Variants in PITPNM3 observed in about 807,000 individuals in gnomAD.
The protein encoded by PITPNM3 is PITPNM family member 3.
Under a neutral mutation model 102.0 loss-of-function variants are expected in PITPNM3, and 26 were observed. The ratio of observed to expected loss-of-function variants is 0.25; its 90% CI spans 0.19 to 0.35. PITPNM3 has a LOEUF of 0.35. Among genes scored for constraint, PITPNM3 ranks in the 10% least tolerant of loss-of-function variants. The probability of loss-of-function intolerance (pLI) is 1.00; values close to 1 mark genes in which losing one functional copy is unlikely to be tolerated. For synonymous variants in PITPNM3, 578 were observed against 558.6 expected (o/e 1.03, Z -0.49); for missense variants, 1,083 against 1,346.1 (o/e 0.80, Z 3.06).
chr17:6,533,864 C>T (rs551930495), intron 2 of PITPNM3, among the ~76,000 whole-genome samples: 6 of 152,266 alleles, frequency 3.9e-5, no homozygotes, highest in African/African-American at 1.2e-4. Context: ...GCTCCTGTAT[C>T]CCCCACACCC....
At chr17:6,547,772 G>A (rs1010661900) in intron 1 of PITPNM3, among the ~76,000 whole-genome samples, 5 of 150,404 alleles carry the variant, frequency 3.3e-5, no homozygotes, top group Admixed American at 2.0e-4. Context: ...TTTCACTCTT[G>A]TTGCCTAGGC....
intron 4 of PITPNM3, 137 bp from the exon 5 acceptor site, chr17:6,484,429 G>C (rs958881874): frequency 8.2e-6 from 7 of 852,074 alleles, no homozygotes; most frequent in Non-Finnish European, 1.4e-5. Flanking sequence ...TGGAGCTAGG[G>C]AGAGTCACCC....
At chr17:6,554,540 G>T (rs1910502124) in intron 1 of PITPNM3, among the ~76,000 whole-genome samples, 1 of 152,134 alleles carries the variant, frequency 6.6e-6, no homozygotes, top group East Asian at 1.9e-4. Context: ...CAAAATGTTA[G>T]AACAGCACAA....
Position 6,455,582 on chromosome 17 carries a change from G to C in PITPNM3, c.2681C>G (p.Pro894Arg), listed in dbSNP as rs752245124. The C allele has an allele frequency of 1.3e-6, 2 of 1,597,994 alleles. No homozygotes were observed. Among genetic ancestry groups the C allele is most frequent in the Admixed American group, 1.7e-5 (1 of 59,680 alleles). Residue 894 changes from proline to arginine, a missense_variant, in exon 20 of 20, where the codon CCA becomes CGA. By Grantham distance (103) the Pro-to-Arg change is moderately radical. Coordinates refer to ENST00000262483, the MANE Select transcript of PITPNM3 (RefSeq NM_031220.4). ...AALEASHRSR[P>R]KKNNSRMILR... ...GATCATGCGCGAGTTGTTCTTCTTT[G>C]GGCGTGAGCGGTGGCTGGCCTCCAG...
chr17:6,455,882 G>A lies in PITPNM3; in HGVS notation c.2620-239C>T, dbSNP rs147684351. Among the ~76,000 whole-genome samples, 40 of 151,666 alleles carry A rather than the reference G, an allele frequency of 2.6e-4. No homozygotes were observed. The East Asian group carries it at 7.9e-3, about 30-fold the overall frequency. On this transcript the variant is annotated intron_variant, in intron 19 of 19. Transcript: ENST00000262483. ...GGAACACTCTACGGAGGCACCTCCA[G>A]CTTCTCCAAGGAACCCTGGGGAAGT...
At chr17:6,520,045 T>C (rs1459849538) in intron 3 of PITPNM3, among the ~76,000 whole-genome samples, 1 of 152,176 alleles carries the variant, frequency 6.6e-6, no homozygotes, top group Non-Finnish European at 1.5e-5. Flanking sequence ...AATAGCATAT[T>C]GGCAAAAATT....
At chr17:6,483,835 G>A (rs1045414143) in intron 5 of PITPNM3, 83 bp from the exon 6 acceptor site, 64 of 1,160,940 alleles carry the variant, frequency 5.5e-5, no homozygotes, top group South Asian at 7.4e-5. Flanking sequence ...ACACATGTGC[G>A]CATACACACA....
At chr17:6,546,508 T>C (rs1910026168) in intron 1 of PITPNM3, among the ~76,000 whole-genome samples, 2 of 152,228 alleles carry the variant, frequency 1.3e-5, no homozygotes, top group Non-Finnish European at 2.9e-5. Flanking sequence ...AGTTTGGCCA[T>C]AGACCGAGTT....
chr17:6,531,357 A>C (rs1301574828), intron 2 of PITPNM3, among the ~76,000 whole-genome samples: 1 of 152,214 alleles, frequency 6.6e-6, no homozygotes, highest in Admixed American at 6.5e-5. Flanking sequence ...AGACTTCAAA[A>C]GACCGTTTCA....
chr17:6,531,493 C>T (rs770763687), intron 2 of PITPNM3, among the ~76,000 whole-genome samples: 1 of 152,244 alleles, frequency 6.6e-6, no homozygotes, highest in Admixed American at 6.5e-5. Context: ...GCCAGACTAC[C>T]TGTCACCCAG....
At chr17:6,543,088 T>C (rs921916830) in intron 1 of PITPNM3, among the ~76,000 whole-genome samples, 7 of 152,124 alleles carry the variant, frequency 4.6e-5, no homozygotes, top group Non-Finnish European at 1.0e-4. Context: ...ACTCTTCTTC[T>C]AGCAATTTAG....
chr17:6,464,239 C>A lies in PITPNM3; in HGVS notation c.2087G>T (p.Arg696Leu), dbSNP rs773017821. The A allele has an allele frequency of 6.2e-7, 1 of 1,614,154 alleles. No homozygotes were observed. The highest frequency in any genetic ancestry group is 1.7e-5 in the Admixed American group (1 of 60,026). ...LDTEITNSSGRITYNVPRPRR... is the reference protein window; with the variant it reads ...LDTEITNSSGLITYNVPRPRR... ...GGGCCGCGGCACATTGTATGTGATG[C>A]GACCACTGCTGTTGGTGATCTCTGT... The change falls in exon 16 of 20, where the codon CGC becomes CTC. Residue 696 changes from arginine (R) to leucine (L), a missense_variant. Physicochemically the swap from Arg to Leu is moderately radical, Grantham distance 102 (BLOSUM62 -2). Coordinates refer to ENST00000262483, the MANE Select transcript of PITPNM3 (RefSeq NM_031220.4).
At chr17:6,473,256 A>C in intron 10 of PITPNM3, 1 of 268,328 alleles carries the variant, frequency 3.7e-6, no homozygotes, top group Non-Finnish European at 7.4e-6. Flanking sequence ...GGCTATAAAC[A>C]CTCAGTTCCC....
rs1909913742 is a variant in PITPNM3 at position 6,544,639 on chromosome 17, C to CTT, written c.23-6558_23-6557insAA. On this transcript the variant is annotated intron_variant, in intron 1 of 19. Coordinates refer to ENST00000262483, the MANE Select transcript of PITPNM3 (RefSeq NM_031220.4). Reference sequence around the variant, plus strand: ...ATTTGAATGGTGTCTCTCTCTCTCTCTCTCTCTCTCTCTCTCACACACACA... The same window carrying CTT: ...ATTTGAATGGTGTCTCTCTCTCTCTCTTTCTCTCTCTCTCTCTCACACACACA... Among the ~76,000 whole-genome samples the CTT allele has an allele frequency of 2.8e-5, 3 of 106,766 alleles. No homozygotes were observed. The Admixed American group carries it at 3.2e-4, about 11-fold the overall frequency. 70.0% of individuals were successfully genotyped at this position (106,766 alleles called of 152,430 possible). A position where few individuals can be genotyped will look rare whatever the true frequency, so the allele number is the denominator to read the frequency against.
At chr17:6,551,555 C>T (rs1910301178) in intron 1 of PITPNM3, among the ~76,000 whole-genome samples, 3 of 151,976 alleles carry the variant, frequency 2.0e-5, no homozygotes, top group South Asian at 4.1e-4. Context: ...GCCTCAAATC[C>T]TCTGGCACCT....
chr17:6,540,273 G>A (rs868217741), intron 1 of PITPNM3, among the ~76,000 whole-genome samples: 2 of 152,176 alleles, frequency 1.3e-5, no homozygotes, highest in African/African-American at 4.8e-5. Flanking sequence ...TTGGGTGCTC[G>A]CAAAGCTTAC....
intron 4 of PITPNM3, among the ~76,000 whole-genome samples, chr17:6,491,071 G>A (rs1272373144): frequency 1.5e-5 from 1 of 65,524 alleles, no homozygotes; most frequent in Non-Finnish European, 2.9e-5. Context: ...GAGGGGGAGG[G>A]GAGGAAAGGG....
At chr17:6,505,017 T>C (rs1907403935) in intron 3 of PITPNM3, among the ~76,000 whole-genome samples, 2 of 151,656 alleles carry the variant, frequency 1.3e-5, no homozygotes, top group African/African-American at 2.4e-5. Flanking sequence ...TCTACTAAAA[T>C]ACAAAAACTA....
intron 9 of PITPNM3, among the ~76,000 whole-genome samples, chr17:6,475,562 C>T (rs1597370891): frequency 6.6e-6 from 1 of 152,354 alleles, no homozygotes; most frequent in East Asian, 1.9e-4. Context: ...TCCGCACTCC[C>T]TCCTGCCTCT....
Sources: gnomAD v4.1 joint callset for allele counts (sites outside exome capture counted in the v4.1 genomes callset) on GRCh38, gnomAD v4.1.1 for gene constraint, MANE v1.5 for transcripts, NCBI Gene and HGNC (gene_info 2026-07-23, HGNC 2026-07-21) for gene names.